The following SOS1 variants were observed in gnomAD, a reference collection of about 807,000 sequenced individuals.
The protein encoded by SOS1 is son of sevenless homolog 1.
Under a neutral mutation model 157.6 loss-of-function variants are expected in SOS1, and 25 were observed. The observed-to-expected ratio is 0.16, with a 90% CI of 0.12 to 0.22. SOS1 has a LOEUF of 0.22. SOS1 is among the 10% of genes least tolerant of loss of function. The pLI is 1.00. For synonymous variants in SOS1, 528 were observed against 534.0 expected, an observed-to-expected ratio of 0.99 and a Z score of 0.16; for missense variants, 1,237 against 1,599.1, an observed-to-expected ratio of 0.77 and a Z score of 3.86.
intron 1 of SOS1, among the ~76,000 whole-genome samples, chr2:39,096,332 A>T (rs888767864): frequency 1.3e-5 from 2 of 152,198 alleles, no homozygotes; most frequent in African/African-American, 4.8e-5. Flanking sequence ...ACATAAGTTT[A>T]TTGATGGAAA....
At chr2:39,040,782 G>A (rs1386313621) in intron 6 of SOS1, among the ~76,000 whole-genome samples, 2 of 152,112 alleles carry the variant, frequency 1.3e-5, no homozygotes, top group Non-Finnish European at 2.9e-5. Flanking sequence ...TTTGGCTATT[G>A]TGAATAATGC....
At chr2:39,089,194 C>T (rs960598722) in intron 1 of SOS1, among the ~76,000 whole-genome samples, 1 of 152,006 alleles carries the variant, frequency 6.6e-6, no homozygotes, top group African/African-American at 2.4e-5. Context: ...AGGGAAGAAA[C>T]GAGCAAGAAA....
At chr2:39,075,870 AAAATTAT>A (rs759119204) in intron 1 of SOS1, among the ~76,000 whole-genome samples, 80 of 152,192 alleles carry the variant, frequency 5.3e-4, no homozygotes, top group Non-Finnish European at 1.1e-3. Flanking sequence ...CAAATTCCTA[AAAATTAT>A]AAATTATCAA....
intron 1 of SOS1, chr2:39,098,262 T>G (rs72906483): frequency 0.019 from 4,866 of 250,752 alleles, 201 homozygotes; most frequent in African/African-American, 0.089. Flanking sequence ...CCAACTTACA[T>G]GTTAACTGGT....
At chr2:39,063,703 A>C (rs1054489387) in intron 2 of SOS1, among the ~76,000 whole-genome samples, 3 of 152,212 alleles carry the variant, frequency 2.0e-5, no homozygotes, top group African/African-American at 7.2e-5. Flanking sequence ...TATTTTCCTA[A>C]AACTATACAG....
chr2:38,999,813 T>C (rs1238189701), intron 17 of SOS1, among the ~76,000 whole-genome samples: 1 of 152,198 alleles, frequency 6.6e-6, no homozygotes, highest in East Asian at 1.9e-4. Context: ...GCACTTGGAC[T>C]GGGTCATGAA....
chr2:38,993,780 C>T (rs980958892), intron 20 of SOS1: 3 of 152,132 alleles, frequency 2.0e-5, no homozygotes, highest in Non-Finnish European at 4.4e-5. Flanking sequence ...TGTCATGCTG[C>T]CTCTAGTATT....
At chr2:39,032,686 C>T (rs751076644) in intron 8 of SOS1, among the ~76,000 whole-genome samples, 9 of 152,126 alleles carry the variant, frequency 5.9e-5, no homozygotes, top group Non-Finnish European at 1.3e-4. Context: ...TCACTCTGGG[C>T]ATGATGACTC....
At chr2:39,034,715 T>C (rs1572840640) in intron 8 of SOS1, 2 of 415,124 alleles carry the variant, frequency 4.8e-6, no homozygotes, top group African/African-American at 2.0e-5. Context: ...AAAGTAATGA[T>C]AAACAGTTTA....
chr2:38,988,720 A>G (rs539729061), intron 21 of SOS1, among the ~76,000 whole-genome samples: 44 of 152,288 alleles, frequency 2.9e-4, no homozygotes, highest in African/African-American at 9.6e-4. Context: ...AATAATTAAA[A>G]TAATGGAATT....
chr2:39,021,356 T>C lies in SOS1; in HGVS notation c.1858+1214A>G, dbSNP rs560418069. Among the ~76,000 whole-genome samples, 14 of 151,674 alleles carry C rather than the reference T, an allele frequency of 9.2e-5. No homozygotes were observed. The South Asian group carries it at 2.9e-3, about 32-fold the overall frequency. Reference sequence around the variant, plus strand: ...CCATTCTTCAGCTGCTTATTAATAATCATAAATTAACTTTGTGAAATATAG... The same window carrying C: ...CCATTCTTCAGCTGCTTATTAATAACCATAAATTAACTTTGTGAAATATAG... On this transcript the variant is annotated intron_variant, in intron 10 of 22. Transcript: ENST00000402219.
chr2:39,054,649 G>A lies in SOS1; in HGVS notation c.685C>T (p.Pro229Ser). 1 of 1,586,136 alleles carries A rather than the reference G, an allele frequency of 6.3e-7. No individual in the cohort carries two copies. Among genetic ancestry groups the A allele is most frequent in the Non-Finnish European group, 8.7e-7 (1 of 1,154,934 alleles). The change falls in exon 5 of 23, where the codon CCC becomes TCC. Residue 229 changes from proline to serine, a missense_variant. Physicochemically the swap from Pro to Ser is moderately conservative, Grantham distance 74 (BLOSUM62 -1). Coordinates refer to ENST00000402219, the MANE Select transcript of SOS1 (RefSeq NM_005633.4). ...AACAATTTTGAATTGGAGACAAAGGGCTCTCTAAAAACTTTTATAATTAGA... is the reference window on the plus strand; with the variant it reads ...AACAATTTTGAATTGGAGACAAAGGACTCTCTAAAAACTTTTATAATTAGA... ...LNLIIKVFRE[P>S]FVSNSKLFSA...
chr2:39,063,797 A>G lies in SOS1; in HGVS notation c.213+3831T>C, dbSNP rs1221605777. ...CTACCATACTTTGAATTATGCTTAT[A>G]CTTTAAAGCAAAGTGTATTCTTTAA... On this transcript the variant is annotated intron_variant, in intron 2 of 22. Coordinates refer to ENST00000402219, the MANE Select transcript of SOS1 (RefSeq NM_005633.4). Among the ~76,000 whole-genome samples the G allele has an allele frequency of 2.6e-5, 4 of 152,148 alleles. No individual in the cohort carries two copies. The East Asian group carries it at 7.7e-4, about 29-fold the overall frequency.
At chr2:39,026,987 T>C (rs1354792102) in intron 8 of SOS1, among the ~76,000 whole-genome samples, 1 of 152,188 alleles carries the variant, frequency 6.6e-6, no homozygotes, top group Non-Finnish European at 1.5e-5. Context: ...CACTGAACGA[T>C]GAATTAGTTC....
chr2:38,991,669 A>G (rs1261142414), intron 20 of SOS1, among the ~76,000 whole-genome samples: 1 of 152,172 alleles, frequency 6.6e-6, no homozygotes, highest in African/African-American at 2.4e-5. Flanking sequence ...CTTTGCCACA[A>G]CGCTTTCCAT....
At chr2:39,095,588 G>T (rs1262772607) in intron 1 of SOS1, among the ~76,000 whole-genome samples, 2 of 152,034 alleles carry the variant, frequency 1.3e-5, no homozygotes, top group Admixed American at 6.6e-5. Context: ...CTGAATCTGG[G>T]GCAGAAGTGC....
intron 6 of SOS1, among the ~76,000 whole-genome samples, chr2:39,045,418 T>A (rs1670744911): frequency 6.6e-6 from 1 of 152,148 alleles, no homozygotes; most frequent in Admixed American, 6.5e-5. Flanking sequence ...TCATTTCTTA[T>A]AATTCTGTCA....
In SOS1 at chr2:39,094,869, T is replaced by C. The variant is rs552300531; in HGVS notation, c.87+25467A>G. 4.6e-5 allele frequency among the ~76,000 whole-genome samples: 7 copies of C among 152,330 alleles called. No individual in the cohort carries two copies. In the East Asian group the frequency reaches 1.3e-3, roughly 29 times the overall value. On this transcript the variant is annotated intron_variant, in intron 1 of 22. Transcript: ENST00000402219. ...CCTCTTTATAAGGATACATTGCTACTTTTCCCTATTCCCCTACCAAAACCA... is the reference window on the plus strand; with the variant it reads ...CCTCTTTATAAGGATACATTGCTACCTTTCCCTATTCCCCTACCAAAACCA...
intron 20 of SOS1, among the ~76,000 whole-genome samples, chr2:38,994,689 T>C (rs762589447): frequency 2.0e-5 from 3 of 152,104 alleles, no homozygotes; most frequent in Non-Finnish European, 2.9e-5. Flanking sequence ...ACTCAAAAAG[T>C]TTTGGGTTTT....
Sources: allele counts gnomAD v4.1 joint callset (sites outside exome capture counted in the v4.1 genomes callset), GRCh38; gene constraint gnomAD v4.1.1; transcripts MANE v1.5; gene names NCBI Gene and HGNC (gene_info 2026-07-23, HGNC 2026-07-21).